The following NRG1 variants were observed in gnomAD, a reference collection of about 807,000 sequenced individuals.
The protein encoded by NRG1 is neuregulin 1.
NRG1 carries 18 observed loss-of-function variants against 63.8 expected under a neutral mutation model. The observed-to-expected ratio is 0.28, with a 90% CI of 0.19 to 0.42. The LOEUF is 0.42. Among genes scored for constraint, NRG1 ranks in the 10% least tolerant of loss-of-function variants. The probability of loss-of-function intolerance (pLI) is 1.00; values close to 1 mark genes in which losing one functional copy is unlikely to be tolerated. For missense variants in NRG1, 762 were observed against 814.7 expected, an observed-to-expected ratio of 0.94 and a Z score of 0.79; for synonymous variants, 302 against 301.3, an observed-to-expected ratio of 1.00 and a Z score of -0.02.
intron 1 of NRG1, among the ~76,000 whole-genome samples, chr8:32,560,918 G>A (rs759109249): frequency 1.6e-4 from 24 of 152,276 alleles, no homozygotes; most frequent in African/African-American, 4.3e-4. Context: ...ATAAACGACC[G>A]CTGTTCCTGG....
At chr8:32,286,606 G>T (rs918396821) in intron 1 of NRG1, among the ~76,000 whole-genome samples, 2 of 152,194 alleles carry the variant, frequency 1.3e-5, no homozygotes, top group Non-Finnish European at 2.9e-5. Context: ...GTTCTTGAGA[G>T]ATCTGGCTGT....
At chr8:32,205,183 G>A (rs747107476) in intron 1 of NRG1, among the ~76,000 whole-genome samples, 1 of 152,130 alleles carries the variant, frequency 6.6e-6, no homozygotes, top group East Asian at 1.9e-4. Context: ...TATCTCTGGT[G>A]CAATTAAAAG....
intron 1 of NRG1, among the ~76,000 whole-genome samples, chr8:32,173,437 GAGCAAAATAACC>G (rs1563869754): frequency 2.6e-5 from 4 of 152,114 alleles, no homozygotes; most frequent in Admixed American, 1.3e-4. Context: ...ATCCACTAAC[GAGCAAAATAACC>G]AGCTAACATC....
intron 1 of NRG1, among the ~76,000 whole-genome samples, chr8:32,289,114 C>T (rs74973976): frequency 8.5e-5 from 13 of 152,240 alleles, no homozygotes; most frequent in Non-Finnish European, 1.8e-4. Context: ...TCTCAGATCA[C>T]AAAAATTGAG....
intron 1 of NRG1, among the ~76,000 whole-genome samples, chr8:31,779,171 T>C (rs1463005799): frequency 6.6e-6 from 1 of 152,176 alleles, no homozygotes; most frequent in African/African-American, 2.4e-5. Flanking sequence ...AGTTTGTTCA[T>C]CTGTTGATTG....
chr8:32,063,548 C>G (rs528139410), intron 1 of NRG1: 2 of 151,998 alleles, frequency 1.3e-5, no homozygotes, highest in Non-Finnish European at 2.9e-5. Context: ...TTTGGGCCCC[C>G]TGGTAATAGT....
intron 1 of NRG1, among the ~76,000 whole-genome samples, chr8:31,912,069 G>C (rs1223535573): frequency 6.6e-6 from 1 of 152,148 alleles, no homozygotes; most frequent in African/African-American, 2.4e-5. Context: ...CTTGTTGTGA[G>C]TGTTAAAATG....
chr8:32,178,801 C>T (rs1450498012), intron 1 of NRG1, among the ~76,000 whole-genome samples: 1 of 151,830 alleles, frequency 6.6e-6, no homozygotes, highest in Non-Finnish European at 1.5e-5. Flanking sequence ...TTCGATAAAA[C>T]TTGGTGATTT....
intron 1 of NRG1, among the ~76,000 whole-genome samples, chr8:32,518,950 T>C (rs1012754794): frequency 1.3e-5 from 2 of 152,238 alleles, no homozygotes; most frequent in Non-Finnish European, 2.9e-5. Flanking sequence ...AAATAAATCA[T>C]AAATAAGTTT....
chr8:32,547,954 T>C (rs566160223), upstream of NRG1, among the ~76,000 whole-genome samples: 1 of 152,208 alleles, frequency 6.6e-6, no homozygotes, highest in South Asian at 2.1e-4. Flanking sequence ...TCCCAGGCGC[T>C]GCCTGGCTGC....
chr8:32,438,184 C>G (rs763308489), intron 1 of NRG1, among the ~76,000 whole-genome samples: 20 of 152,168 alleles, frequency 1.3e-4, no homozygotes, highest in Admixed American at 5.2e-4. Context: ...CGTCTACTTC[C>G]TTTGCCCACC....
upstream of NRG1, among the ~76,000 whole-genome samples, chr8:32,547,437 T>A (rs1833188211): frequency 6.6e-6 from 1 of 152,188 alleles, no homozygotes; most frequent in Admixed American, 6.5e-5. Context: ...CTGCAGTAAT[T>A]TTAATTATTC....
At chr8:32,772,708 CA>C (rs1256953045), downstream of NRG1, among the ~76,000 whole-genome samples, 1 of 152,100 alleles carries the variant, frequency 6.6e-6, no homozygotes, top group East Asian at 1.9e-4. Flanking sequence ...GTGAACTTTT[CA>C]TCTTCTTCAG....
At chr8:31,655,038 C>T (rs993989099) in intron 1 of NRG1, among the ~76,000 whole-genome samples, 8 of 152,160 alleles carry the variant, frequency 5.3e-5, no homozygotes, top group Non-Finnish European at 8.8e-5. Context: ...GGCATTCCCA[C>T]CCTATGGGAG....
intron 1 of NRG1, among the ~76,000 whole-genome samples, chr8:32,020,315 G>C (rs1328383382): frequency 2.0e-5 from 3 of 152,054 alleles, no homozygotes; most frequent in African/African-American, 7.2e-5. Flanking sequence ...GAAATTCATG[G>C]ATATGAAATA....
intron 3 of NRG1, 97 bp downstream of exon 3, chr8:32,605,780 T>G (rs1343681071): frequency 3.0e-6 from 4 of 1,352,782 alleles, no homozygotes; most frequent in Non-Finnish European, 4.0e-6. Flanking sequence ...TAAATCTCAT[T>G]GTGAACAAAT....
At chr8:32,268,306 G>T in intron 1 of NRG1, among the ~76,000 whole-genome samples, 1 of 152,210 alleles carries the variant, frequency 6.6e-6, no homozygotes, top group Middle Eastern at 3.4e-3. Flanking sequence ...CACATAACCC[G>T]TGAGATAATA....
intron 1 of NRG1, among the ~76,000 whole-genome samples, chr8:31,671,958 GAGA>G (rs1221086908): frequency 3.9e-5 from 6 of 152,198 alleles, no homozygotes; most frequent in South Asian, 2.1e-4. Context: ...AAGAGGAAGA[GAGA>G]AGAAGGATTA....
intron 3 of NRG1, among the ~76,000 whole-genome samples, chr8:32,608,388 C>G (rs1845725362): frequency 6.6e-6 from 1 of 151,860 alleles, no homozygotes; most frequent in Non-Finnish European, 1.5e-5. Flanking sequence ...GTTGCCCACT[C>G]TGGAACTCCT....
Sources: gnomAD v4.1 joint callset for allele counts (sites outside exome capture counted in the v4.1 genomes callset) on GRCh38, gnomAD v4.1.1 for gene constraint, MANE v1.5 for transcripts, NCBI Gene and HGNC (gene_info 2026-07-23, HGNC 2026-07-21) for gene names.